Variants in MARCHF2 observed in about 807,000 individuals in gnomAD.
The protein encoded by MARCHF2 is membrane associated ring-CH-type finger 2, also known as E3 ubiquitin-protein ligase MARCHF2.
Under a neutral mutation model 24.0 loss-of-function variants are expected in MARCHF2, and 22 were observed. The observed-to-expected ratio is 0.92, with a 90% CI of 0.66 to 1.31. The LOEUF (loss-of-function observed/expected upper bound fraction) is 1.31, where lower values mean the gene tolerates loss of function less well. MARCHF2 is among the 50% of genes most tolerant of loss of function. The pLI is 0.00. For synonymous variants in MARCHF2, 154 were observed against 153.0 expected, an observed-to-expected ratio of 1.01 and a Z score of -0.05; for missense variants, 301 against 335.3, an observed-to-expected ratio of 0.90 and a Z score of 0.80.
At chr19:8,420,727 T>G (rs1033087654) in intron 1 of MARCHF2, among the ~76,000 whole-genome samples, 1 of 152,090 alleles carries the variant, frequency 6.6e-6, no homozygotes, top group African/African-American at 2.4e-5. Flanking sequence ...CATAGCTCAC[T>G]GCAGCCTCAA....
At position 8,428,670 on chromosome 19, in the gene MARCHF2, A is replaced by AAAAC. The variant is rs1568239447; in HGVS notation, c.372+1869_372+1870insCAAA. Among the ~76,000 whole-genome samples the AAAAC allele has an allele frequency of 5.5e-5, 8 of 146,048 alleles. No individual in the cohort carries two copies. In the East Asian group the frequency reaches 6.1e-4, roughly 11 times the overall value. ...ATCTCAAAAAAAAAAAAAAAAAAAA[A>AAAAC]AAAAAAAAAAAAACCAAGGCTGGAC... On this transcript the variant is annotated intron_variant, in intron 3 of 4. Transcript: ENST00000215555.
intron 4 of MARCHF2, among the ~76,000 whole-genome samples, chr19:8,433,871 C>CAA (rs200139023): frequency 3.2e-5 from 3 of 93,168 alleles, no homozygotes; most frequent in Non-Finnish European, 4.6e-5. Context: ...GACTCTGTCT[C>CAA]AAAAAAAAAA....
At chr19:8,423,241 T>G (rs1474757153) in intron 2 of MARCHF2, 4 of 151,204 alleles carry the variant, frequency 2.6e-5, no homozygotes, top group Non-Finnish European at 5.9e-5. Flanking sequence ...TTTTTGTATT[T>G]TTTTAGTAGA....
intron 4 of MARCHF2, among the ~76,000 whole-genome samples, chr19:8,435,780 T>C (rs117019601): frequency 0.024 from 3,690 of 151,514 alleles, 67 homozygotes; most frequent in Non-Finnish European, 0.039. Flanking sequence ...GCTCAAACCT[T>C]GGCTTCCCAG....
At chr19:8,416,018 C>G (rs567073742) in intron 1 of MARCHF2, among the ~76,000 whole-genome samples, 1 of 151,978 alleles carries the variant, frequency 6.6e-6, no homozygotes, top group Non-Finnish European at 1.5e-5. Context: ...GGCTCTCTCA[C>G]GCTGTTCTTA....
At chr19:8,435,167 C>T (rs11259979) in intron 4 of MARCHF2, among the ~76,000 whole-genome samples, 33,243 of 151,024 alleles carry the variant, frequency 0.22, 4,608 homozygotes, top group East Asian at 0.5. Context: ...TACAGGTGTG[C>T]GCCACCATGC....
intron 2 of MARCHF2, among the ~76,000 whole-genome samples, chr19:8,426,024 G>A (rs1222844147): frequency 1.3e-5 from 2 of 150,096 alleles, no homozygotes; most frequent in Admixed American, 1.3e-4. Flanking sequence ...TCAGGAGATC[G>A]AGACCATCCT....
In MARCHF2 at chr19:8,430,564, C is replaced by A; in HGVS notation, c.373-94C>A. On this transcript the variant is annotated intron_variant, in intron 3 of 4. Transcript: ENST00000215555. The surrounding 1 kb of genome is among the most constrained non-coding windows in gnomAD (Gnocchi z 4.4). ...AAAAAAAAAAGAAAGAAGGAAAGGACAGAGGGAGGCCTAGGCCTGGAGGTC... is the reference window on the plus strand; with the variant it reads ...AAAAAAAAAAGAAAGAAGGAAAGGAAAGAGGGAGGCCTAGGCCTGGAGGTC... 3.3e-6 allele frequency: 3 copies of A among 914,794 alleles called. No homozygotes were observed. The highest frequency in any genetic ancestry group is 5.1e-6 in the Non-Finnish European group (3 of 592,518). The allele number at this position is 914,794 out of a possible 1,614,324, so 56.7% of individuals were successfully genotyped here. A position where few individuals can be genotyped will look rare whatever the true frequency, so the allele number is the denominator to read the frequency against.
rs978076070 is a variant in MARCHF2, at chr19:8,421,690, G to T, written c.-52-99G>T. The stretch of plus-strand genomic sequence containing the variant: ...CAAACTGAGGCTCAGAGATGTAAAT[G>T]GTCTAGTGGTCCCTACAGCCTTGAC... On this transcript the variant is annotated intron_variant, in intron 1 of 4. Coordinates refer to ENST00000215555, the MANE Select transcript of MARCHF2 (RefSeq NM_001005415.2). 5.1e-6 allele frequency: 3 copies of T among 593,824 alleles called. No homozygotes were observed. The East Asian group carries it at 9.2e-5, about 18-fold the overall frequency. 36.8% of individuals were successfully genotyped at this position (593,824 alleles called of 1,614,324 possible). A position where few individuals can be genotyped will look rare whatever the true frequency, so the allele number is the denominator to read the frequency against.
At chr19:8,434,702 C>CTTTA (rs34728303) in intron 4 of MARCHF2, among the ~76,000 whole-genome samples, 44,633 of 150,742 alleles carry the variant, frequency 0.3, 6,941 homozygotes, top group Middle Eastern at 0.37. Flanking sequence ...AACCACTGAC[C>CTTTA]TTTATTTATT....
At chr19:8,424,705 G>T (rs1383943909) in intron 2 of MARCHF2, among the ~76,000 whole-genome samples, 2 of 151,888 alleles carry the variant, frequency 1.3e-5, no homozygotes, top group Non-Finnish European at 2.9e-5. Context: ...CCTGTCTCTT[G>T]GCTCTGCTCT....
intron 2 of MARCHF2, among the ~76,000 whole-genome samples, chr19:8,422,830 G>A (rs1176556145): frequency 7.0e-6 from 1 of 142,330 alleles, no homozygotes; most frequent in Non-Finnish European, 1.5e-5. Context: ...TCAGCCTCCT[G>A]AGTACCTGGT....
rs1568239468 is a variant in MARCHF2, at chr19:8,428,679, A to AAAC, written c.372+1877_372+1878insCAA. On this transcript the variant is annotated intron_variant, in intron 3 of 4. Transcript: ENST00000215555. ...AAAAAAAAAAAAAAAAAAAAAAAAA[A>AAAC]AAAACCAAGGCTGGACGTGGTGGCT... Among the ~76,000 whole-genome samples, 21 of 128,390 alleles carry AAAC rather than the reference A, an allele frequency of 1.6e-4. 2 individuals carry two copies. The highest frequency in any genetic ancestry group is 2.7e-4 in the Admixed American group (3 of 11,028). The allele number at this position is 128,390 out of a possible 152,430, so 84.2% of individuals were successfully genotyped here.
chr19:8,419,805 G>A lies in MARCHF2; in HGVS notation c.-52-1984G>A, dbSNP rs566242561. Among the ~76,000 whole-genome samples, 95 of 135,156 alleles carry A rather than the reference G, an allele frequency of 7.0e-4. 2 individuals are homozygous for A. Among genetic ancestry groups the A allele is most frequent in the African/African-American group, 2.8e-3 (91 of 32,804 alleles). The allele number at this position is 135,156 out of a possible 152,430, so 88.7% of individuals were successfully genotyped here. On this transcript the variant is annotated intron_variant, in intron 1 of 4. Transcript: ENST00000215555. ...CACTCCAGCCTGGGCGAAAGAGCAA[G>A]ACTCCGTCTCAAAAAAAAAATAAAT...
At chr19:8,420,694 G>C (rs1394722810) in intron 1 of MARCHF2, among the ~76,000 whole-genome samples, 6 of 152,090 alleles carry the variant, frequency 3.9e-5, no homozygotes, top group African/African-American at 1.2e-4. Flanking sequence ...CTGTGGCATA[G>C]GCAGGAGTGC....
Position 8,422,420 on chromosome 19 carries a change from T to TG in MARCHF2, c.176+404_176+405insG, listed in dbSNP as rs564166460. On this transcript the variant is annotated intron_variant, in intron 2 of 4. Coordinates refer to ENST00000215555, the MANE Select transcript of MARCHF2 (RefSeq NM_001005415.2). Reference sequence around the variant, plus strand: ...TCTCTCTTTTTTTTTTGAAACAGAGTCTCATTTTGTTGCCCAGGCTGGAGT... The same window carrying TG: ...TCTCTCTTTTTTTTTTGAAACAGAGTGCTCATTTTGTTGCCCAGGCTGGAGT... Among the ~76,000 whole-genome samples, 296 of 151,082 alleles carry TG rather than the reference T, an allele frequency of 2.0e-3. 2 individuals are homozygous for TG. The highest frequency in any genetic ancestry group is 6.7e-3 in the African/African-American group (275 of 41,170).
intron 1 of MARCHF2, among the ~76,000 whole-genome samples, chr19:8,416,958 A>G (rs1244148073): frequency 2.0e-5 from 3 of 152,122 alleles, no homozygotes; most frequent in Non-Finnish European, 4.4e-5. Flanking sequence ...GATGATGACT[A>G]TGTATGGAGA....
chr19:8,431,497 CAAAA>C (rs60782968), intron 4 of MARCHF2, among the ~76,000 whole-genome samples: 15 of 57,504 alleles, frequency 2.6e-4, no homozygotes, highest in African/African-American at 5.1e-4. Flanking sequence ...AACTCGATCT[CAAAA>C]AAAAAAAAAA....
chr19:8,414,552 A>T (rs1386788242), intron 1 of MARCHF2, among the ~76,000 whole-genome samples: 2 of 152,224 alleles, frequency 1.3e-5, no homozygotes, highest in Non-Finnish European at 2.9e-5. Flanking sequence ...TGCTGGGATT[A>T]CAGGCGTGAG....
Sources: gnomAD v4.1 joint callset for allele counts (sites outside exome capture counted in the v4.1 genomes callset) on GRCh38, gnomAD v4.1.1 for gene constraint, Gnocchi (gnomAD v3.1) non-coding constraint, MANE v1.5 for transcripts, NCBI Gene and HGNC (gene_info 2026-07-23, HGNC 2026-07-21) for gene names.